PHACTR2: variants seen among roughly 807,000 people sequenced by gnomAD.
PHACTR2 encodes the protein chromosome 6 open reading frame 56.
In PHACTR2, 30 loss-of-function variants were observed where a neutral mutation model predicts 76.0. The ratio of observed to expected loss-of-function variants is 0.39; its 90% CI spans 0.30 to 0.54. The LOEUF is 0.54. Ranked by LOEUF, PHACTR2 falls within the 20% of genes least tolerant of loss-of-function variation. The pLI is 0.61. For missense variants in PHACTR2, 696 were observed against 781.1 expected (o/e 0.89, Z 1.30); for synonymous variants, 292 against 292.5 (o/e 1.00, Z 0.02).
intron 1 of PHACTR2, among the ~76,000 whole-genome samples, chr6:143,567,393 TTTATTTAC>T (rs1388299731): frequency 6.6e-6 from 1 of 152,256 alleles, no homozygotes; most frequent in Non-Finnish European, 1.5e-5. Flanking sequence ...TATTTATTTA[TTTATTTAC>T]TTATTTACTT....
At position 143,664,158 on chromosome 6, in the gene PHACTR2, C is replaced by T. The variant is rs1361844823; in HGVS notation, c.14-47858C>T. Among the ~76,000 whole-genome samples the T allele has an allele frequency of 6.6e-6, 1 of 151,948 alleles. No homozygotes were observed. The highest frequency in any genetic ancestry group is 1.5e-5 in the Non-Finnish European group (1 of 67,956). On this transcript the variant is annotated intron_variant, in intron 1 of 11. Coordinates refer to the PHACTR2 transcript ENST00000305766. This position sits in a 1 kb window ranked among gnomAD's most constrained non-coding sequence, Gnocchi z 5.1. ...TGTCATTACACTATATAATATGTCC[C>T]TCTATACTATTTGTTATTTTACCTT... is the stretch of plus-strand genomic sequence containing the variant.
At chr6:143,676,680 T>C (rs1777253751), upstream of PHACTR2, among the ~76,000 whole-genome samples, 1 of 152,128 alleles carries the variant, frequency 6.6e-6, no homozygotes, top group Non-Finnish European at 1.5e-5. The surrounding 1 kb of genome is among the most constrained non-coding windows in gnomAD (Gnocchi z 4.8). Context: ...TAAGGAAATG[T>C]AGTTAGGATT....
At chr6:143,756,635 C>T (rs1386241152) in intron 4 of PHACTR2, among the ~76,000 whole-genome samples, 1 of 149,410 alleles carries the variant, frequency 6.7e-6, no homozygotes, top group Non-Finnish European at 1.5e-5. Flanking sequence ...GGAGGCGGAG[C>T]TTGCAGTGAG....
rs1775778545 is a variant in PHACTR2 at position 143,598,591 on chromosome 6, G to A, written c.217+61384G>A. On this transcript the variant is annotated intron_variant, in intron 1 of 11. Coordinates refer to the PHACTR2 transcript ENST00000367584. The surrounding 1 kb of genome is among the most constrained non-coding windows in gnomAD (Gnocchi z 4.1). ...AAGTAAAAGCAGAAGTGTGGGCCAGGGAGGGATCGCAGTCATCTGATGGCA... is the reference window on the plus strand; with the variant it reads ...AAGTAAAAGCAGAAGTGTGGGCCAGAGAGGGATCGCAGTCATCTGATGGCA... 6.6e-6 allele frequency among the ~76,000 whole-genome samples: 1 copy of A among 152,184 alleles called. No individual in the cohort carries two copies.
chr6:143,709,714 A>C lies in PHACTR2; in HGVS notation c.47-2302A>C, dbSNP rs1306899069. 2.6e-5 allele frequency among the ~76,000 whole-genome samples: 4 copies of C among 152,070 alleles called. No homozygotes were observed. Among genetic ancestry groups the C allele is most frequent in the Non-Finnish European group, 5.9e-5 (4 of 68,014 alleles). ...TGTTGGGCACAGGTAGAATTTCCAG[A>C]TCCCCATGTGGTCTCCCTTGATACC... On this transcript the variant is annotated intron_variant, in intron 1 of 12. Transcript: ENST00000440869. The surrounding 1 kb of genome is among the most constrained non-coding windows in gnomAD (Gnocchi z 4.4).
Position 143,598,749 on chromosome 6 carries a change from G to A in PHACTR2, c.217+61542G>A, listed in dbSNP as rs555377172. 5.9e-5 allele frequency among the ~76,000 whole-genome samples: 9 copies of A among 152,108 alleles called. No homozygotes were observed. Among genetic ancestry groups the A allele is most frequent in the Non-Finnish European group, 1.2e-4 (8 of 68,038 alleles). ...TTTGTCCTTCGTATCAGATGCAGAT[G>A]TTTTATCTCCTTTTTTTATGGCTCC... is the stretch of plus-strand genomic sequence containing the variant. On this transcript the variant is annotated intron_variant, in intron 1 of 11. Transcript: ENST00000367584. The surrounding 1 kb of genome is among the most constrained non-coding windows in gnomAD (Gnocchi z 4.1).
chr6:143,748,980 A>T lies in PHACTR2; in HGVS notation c.215-5A>T. The T allele has an allele frequency of 1.4e-6, 2 of 1,466,136 alleles. No individual in the cohort carries two copies. Among genetic ancestry groups the T allele is most frequent in the Non-Finnish European group, 9.5e-7 (1 of 1,051,186 alleles). 90.8% of individuals were successfully genotyped at this position (1,466,136 alleles called of 1,614,324 possible). A position where few individuals can be genotyped will look rare whatever the true frequency, so the allele number is the denominator to read the frequency against. On this transcript the variant is annotated splice_polypyrimidine_tract_variant and splice_region_variant and intron_variant, in intron 2 of 12. Transcript: ENST00000440869. ...ATTCTTACTTGTGCTTGTTCTTTTT[A>T]AAAGTATTAGAAAGGAAGATATCCA...
At chr6:143,563,812 A>G in intron 1 of PHACTR2, among the ~76,000 whole-genome samples, 1 of 149,546 alleles carries the variant, frequency 6.7e-6, no homozygotes. Context: ...CCTGGGCAAC[A>G]TGGTGAAACC....
chr6:143,667,138 C>T (rs1301752702), intron 1 of PHACTR2, among the ~76,000 whole-genome samples: 3 of 152,152 alleles, frequency 2.0e-5, no homozygotes, highest in Admixed American at 6.5e-5. Context: ...GTAGGGAATC[C>T]TTTCTCCATT....
In PHACTR2 at chr6:143,757,963, GCACA is replaced by G. The variant is rs1184706755; in HGVS notation, c.455-2415_455-2412del. ...CGTGTGTGTGCATGCACACGTGCGC[GCACA>G]CACACACACACACACACACACATAA... On this transcript the variant is annotated intron_variant, in intron 4 of 12. Transcript: ENST00000440869. The surrounding 1 kb of genome is among the most constrained non-coding windows in gnomAD (Gnocchi z 4.2). Among the ~76,000 whole-genome samples the G allele has an allele frequency of 7.2e-4, 95 of 131,618 alleles. No homozygotes were observed. Among genetic ancestry groups the G allele is most frequent in the South Asian group, 1.6e-3 (7 of 4,302 alleles). The allele number at this position is 131,618 out of a possible 152,430, so 86.3% of individuals were successfully genotyped here.
chr6:143,582,385 C>T (rs1775586363), intron 1 of PHACTR2, among the ~76,000 whole-genome samples: 1 of 151,918 alleles, frequency 6.6e-6, no homozygotes, highest in Non-Finnish European at 1.5e-5. Flanking sequence ...CAGAGACAAG[C>T]AGGATACCAG....
At position 143,711,026 on chromosome 6, in the gene PHACTR2, C is replaced by T. The variant is rs762692563; in HGVS notation, c.47-990C>T. 3.3e-5 allele frequency: 17 copies of T among 516,558 alleles called. 1 individual carries two copies. The highest frequency in any genetic ancestry group is 1.7e-4 in the South Asian group (12 of 71,302). The allele number at this position is 516,558 out of a possible 1,614,324, so 32.0% of individuals were successfully genotyped here. A position where few individuals can be genotyped will look rare whatever the true frequency, so the allele number is the denominator to read the frequency against. Reference sequence around the variant, plus strand: ...TTAATTAGACTTCACTGTCAGTTTACGGTTTTTTAAAGGTAAATTTTACAA... The same window carrying T: ...TTAATTAGACTTCACTGTCAGTTTATGGTTTTTTAAAGGTAAATTTTACAA... On this transcript the variant is annotated intron_variant, in intron 1 of 12. Transcript: ENST00000440869.
Position 143,698,989 on chromosome 6 carries a change from A to G in PHACTR2, c.47-13027A>G, listed in dbSNP as rs184758870. ...TGTTGTCCTTTACCTCTCCTATCAC[A>G]GGGGGCGCTGACATTGCATCAACTC... On this transcript the variant is annotated intron_variant, in intron 1 of 12. Coordinates refer to ENST00000440869, the MANE Select transcript of PHACTR2 (RefSeq NM_001100164.2). This position sits in a 1 kb window ranked among gnomAD's most constrained non-coding sequence, Gnocchi z 4.3. Among the ~76,000 whole-genome samples the G allele has an allele frequency of 2.0e-3, 301 of 152,164 alleles. No homozygotes were observed. The highest frequency in any genetic ancestry group is 6.6e-3 in the African/African-American group (274 of 41,486).
At chr6:143,748,313 C>T (rs546298961) in intron 2 of PHACTR2, among the ~76,000 whole-genome samples, 1 of 152,340 alleles carries the variant, frequency 6.6e-6, no homozygotes, top group East Asian at 1.9e-4. Context: ...ATCCACCCAC[C>T]TCGGCCCCCG....
At chr6:143,681,984 A>AT (rs1777398927) in intron 1 of PHACTR2, among the ~76,000 whole-genome samples, 1 of 152,328 alleles carries the variant, frequency 6.6e-6, no homozygotes, top group African/African-American at 2.4e-5. Flanking sequence ...TTTGTAGTAA[A>AT]TTTTGAAACC....
Position 143,760,081 on chromosome 6 carries a change from A to G in PHACTR2, c.455-320A>G, listed in dbSNP as rs139698619. ...TGTAGCACTTCATGCCCACATCATCATCCAGCAACCCCAGATCCAAGGCTG... is the reference window on the plus strand; with the variant it reads ...TGTAGCACTTCATGCCCACATCATCGTCCAGCAACCCCAGATCCAAGGCTG... On this transcript the variant is annotated intron_variant, in intron 4 of 12. Transcript: ENST00000440869. The surrounding 1 kb of genome is among the most constrained non-coding windows in gnomAD (Gnocchi z 6.4). Among the ~76,000 whole-genome samples, 562 of 152,260 alleles carry G rather than the reference A, an allele frequency of 3.7e-3. 5 individuals are homozygous for G. Among genetic ancestry groups the G allele is most frequent in the African/African-American group, 0.013 (543 of 41,524 alleles).
chr6:143,706,365 A>C (rs901966293), intron 1 of PHACTR2, among the ~76,000 whole-genome samples: 3 of 152,218 alleles, frequency 2.0e-5, no homozygotes, highest in Non-Finnish European at 4.4e-5. Context: ...AGAGCTAGCA[A>C]ATACATGTGT....
In PHACTR2 at chr6:143,617,072, C is replaced by T. The variant is rs1776070426; in HGVS notation, c.13+8750C>T. 6.6e-6 allele frequency among the ~76,000 whole-genome samples: 1 copy of T among 152,132 alleles called. No individual in the cohort carries two copies. The highest frequency in any genetic ancestry group is 2.1e-4 in the South Asian group (1 of 4,826). On this transcript the variant is annotated intron_variant, in intron 1 of 11. Transcript: ENST00000305766. The surrounding 1 kb of genome is among the most constrained non-coding windows in gnomAD (Gnocchi z 4.8). ...GTTTTACGAGACTGGGAAGAATGGA[C>T]TGGAAAGAAGTAAGAGTGGAAGCTC...
At chr6:143,756,786 G>A (rs974523355) in intron 4 of PHACTR2, among the ~76,000 whole-genome samples, 3 of 151,716 alleles carry the variant, frequency 2.0e-5, no homozygotes, top group Non-Finnish European at 2.9e-5. Flanking sequence ...TATGGCTCAC[G>A]CCTGTAATCT....
Sources: allele counts gnomAD v4.1 joint callset (sites outside exome capture counted in the v4.1 genomes callset), GRCh38; gene constraint gnomAD v4.1.1; non-coding constraint Gnocchi (gnomAD v3.1); transcripts MANE v1.5; gene names NCBI Gene and HGNC (gene_info 2026-07-23, HGNC 2026-07-21).